Variants in PSD3 observed in about 807,000 individuals in gnomAD.
The protein encoded by PSD3 is pleckstrin and Sec7 domain containing 3.
A neutral mutation model predicts 105.5 loss-of-function variants in PSD3; 49 were observed. That is an observed-to-expected ratio of 0.46 (90% CI 0.37 to 0.59). PSD3 has a LOEUF of 0.59. Ranked by LOEUF, PSD3 falls within the 20% of genes least tolerant of loss-of-function variation. The pLI is 0.00. For synonymous variants in PSD3, 557 were observed against 457.8 expected (o/e 1.22, Z -2.77); for missense variants, 1,561 against 1,263.8 (o/e 1.24, Z -3.57).
At chr8:18,780,602 A>C (rs1161402526) in intron 8 of PSD3, among the ~76,000 whole-genome samples, 3 of 151,866 alleles carry the variant, frequency 2.0e-5, no homozygotes, top group South Asian at 2.1e-4. Flanking sequence ...CCCAGGCTGG[A>C]GTGTGCAGTG....
chr8:18,737,086 T>A (rs552278221), intron 9 of PSD3, among the ~76,000 whole-genome samples: 9 of 152,270 alleles, frequency 5.9e-5, no homozygotes, highest in Admixed American at 5.2e-4. Flanking sequence ...CTGGGGAGCA[T>A]CTGAAAAAAT....
intron 9 of PSD3, among the ~76,000 whole-genome samples, chr8:18,711,415 T>C (rs1010683470): frequency 3.3e-5 from 5 of 151,928 alleles, no homozygotes; most frequent in Admixed American, 6.6e-5. Flanking sequence ...AAAGACACAA[T>C]AGGCTCAAAA....
At chr8:18,813,488 A>T (rs1811893757) in intron 4 of PSD3, among the ~76,000 whole-genome samples, 1 of 152,176 alleles carries the variant, frequency 6.6e-6, no homozygotes, top group South Asian at 2.1e-4. Flanking sequence ...ACATGACCAA[A>T]GAACACCAAA....
intron 4 of PSD3, chr8:18,808,914 A>G: frequency 3.9e-6 from 6 of 1,528,110 alleles, no homozygotes; most frequent in Non-Finnish European, 5.2e-6. Context: ...GTGAGGTCAC[A>G]CTACTATGAC....
intron 1 of PSD3, among the ~76,000 whole-genome samples, chr8:19,062,815 A>G (rs1828949055): frequency 6.6e-6 from 1 of 152,224 alleles, no homozygotes; most frequent in Non-Finnish European, 1.5e-5. Context: ...ATGTTACTAC[A>G]GACATGTGAT....
intron 2 of PSD3, among the ~76,000 whole-genome samples, chr8:18,885,098 T>C (rs979489234): frequency 2.0e-5 from 3 of 152,184 alleles, no homozygotes; most frequent in Non-Finnish European, 4.4e-5. Flanking sequence ...TGTCTGCCTC[T>C]CTTTGTCATA....
chr8:18,765,425 A>G lies in PSD3; in HGVS notation c.2172+24T>C, dbSNP rs142260054. On this transcript the variant is annotated intron_variant, in intron 9 of 15. Transcript: ENST00000327040. ...GCAAACAGAAATACAAGCATACACT[A>G]AAAACCAATAGTTCCATGCTTACTT... The G allele has an allele frequency of 3.1e-4, 480 of 1,558,218 alleles. No individual in the cohort carries two copies. In the African/African-American group the frequency reaches 5.7e-3, roughly 19 times the overall value.
At chr8:18,777,408 T>A (rs1487781493) in intron 8 of PSD3, among the ~76,000 whole-genome samples, 1 of 152,238 alleles carries the variant, frequency 6.6e-6, no homozygotes, top group African/African-American at 2.4e-5. Flanking sequence ...TTTCTTAAAA[T>A]CTGAACTTCA....
At chr8:18,677,361 C>T (rs550432002) in intron 9 of PSD3, among the ~76,000 whole-genome samples, 20 of 152,104 alleles carry the variant, frequency 1.3e-4, no homozygotes, top group Non-Finnish European at 2.1e-4. Context: ...TCAGATCACA[C>T]GAGGCCAGGA....
intron 2 of PSD3, among the ~76,000 whole-genome samples, chr8:18,887,861 C>A (rs897743176): frequency 6.6e-6 from 1 of 152,116 alleles, no homozygotes; most frequent in African/African-American, 2.4e-5. Context: ...TACTTATGTG[C>A]CAGGCACTAT....
chr8:18,954,985 G>C (rs991690986), intron 1 of PSD3, among the ~76,000 whole-genome samples: 2 of 152,226 alleles, frequency 1.3e-5, no homozygotes, highest in Non-Finnish European at 2.9e-5. Context: ...GGCAGACAAC[G>C]AGGGAGTCAA....
At chr8:18,663,131 A>T (rs1462063048) in intron 9 of PSD3, among the ~76,000 whole-genome samples, 1 of 152,200 alleles carries the variant, frequency 6.6e-6, no homozygotes, top group African/African-American at 2.4e-5. Flanking sequence ...GCACAAAATC[A>T]AACCTGAAAG....
chr8:18,553,901 G>T (rs768371417), intron 15 of PSD3, among the ~76,000 whole-genome samples: 1 of 152,154 alleles, frequency 6.6e-6, no homozygotes, highest in Non-Finnish European at 1.5e-5. Flanking sequence ...CAACCTGCTT[G>T]ACATATTAGC....
intron 9 of PSD3, among the ~76,000 whole-genome samples, chr8:18,704,936 A>G (rs1478197201): frequency 6.6e-6 from 1 of 152,208 alleles, no homozygotes; most frequent in African/African-American, 2.4e-5. Flanking sequence ...GAAAAAATAA[A>G]TGGGCAACCC....
chr8:18,747,392 GA>G (rs990078891), intron 9 of PSD3, among the ~76,000 whole-genome samples: 2 of 152,262 alleles, frequency 1.3e-5, no homozygotes, highest in African/African-American at 4.8e-5. Flanking sequence ...TTCCCTACAG[GA>G]AAGAAACCAG....
chr8:18,528,851 G>A lies in PSD3; in HGVS notation c.*6892C>T, dbSNP rs1799527521. On this transcript the variant is annotated 3_prime_UTR_variant, in exon 16 of 16. Coordinates refer to ENST00000327040, the MANE Select transcript of PSD3 (RefSeq NM_015310.4). ...TATTTCTATAACACTATTCCTAAGA[G>A]CTTAGCTCTCTGCCCTGCAAAGGGA... 1.3e-5 allele frequency: 2 copies of A among 152,632 alleles called. No individual in the cohort carries two copies. Among genetic ancestry groups the A allele is most frequent in the African/African-American group, 2.4e-5 (1 of 41,460 alleles). The allele number at this position is 152,632 out of a possible 1,614,324, so 9.5% of individuals were successfully genotyped here.
intron 9 of PSD3, among the ~76,000 whole-genome samples, chr8:18,746,459 C>T (rs1805031794): frequency 6.6e-6 from 1 of 152,188 alleles, no homozygotes; most frequent in African/African-American, 2.4e-5. Context: ...AACAAAGGTA[C>T]AAGCTCTAAC....
intron 11 of PSD3, among the ~76,000 whole-genome samples, chr8:18,619,783 A>G (rs1289713611): frequency 6.6e-6 from 1 of 152,220 alleles, no homozygotes; most frequent in Admixed American, 6.5e-5. Context: ...CTGGTATAGC[A>G]TCACATGACA....
chr8:18,548,342 A>G (rs184372991), intron 15 of PSD3, among the ~76,000 whole-genome samples: 1,818 of 152,306 alleles, frequency 0.012, 20 homozygotes, highest in Middle Eastern at 0.02. Context: ...ATTGGTTACT[A>G]GAATATTATT....
Sources: gnomAD v4.1 joint callset for allele counts (sites outside exome capture counted in the v4.1 genomes callset) on GRCh38, gnomAD v4.1.1 for gene constraint, MANE v1.5 for transcripts, NCBI Gene and HGNC (gene_info 2026-07-23, HGNC 2026-07-21) for gene names.